POGZ: variants seen among roughly 807,000 people sequenced by gnomAD.
The protein encoded by POGZ is pogo transposable element derived with ZNF domain, also known as pogo transposable element with ZNF domain.
A neutral mutation model predicts 134.6 loss-of-function variants in POGZ; 17 were observed. The observed-to-expected ratio is 0.13, with a 90% confidence interval of 0.09 to 0.19. POGZ has a LOEUF of 0.19. POGZ is among the 10% of genes least tolerant of loss of function. The probability of loss-of-function intolerance (pLI) is 1.00; values close to 1 mark genes in which losing one functional copy is unlikely to be tolerated. For missense variants in POGZ, 1,306 were observed against 1,769.7 expected (o/e 0.74, Z 4.70); for synonymous variants, 693 against 657.1 (o/e 1.05, Z -0.84).
chr1:151,458,890 C>G (rs1430405319), intron 1 of POGZ, among the ~76,000 whole-genome samples: 5 of 143,362 alleles, frequency 3.5e-5, no homozygotes, highest in Non-Finnish European at 7.6e-5. Flanking sequence ...GCCGCCGGCC[C>G]TTCGCGCGGC....
rs1198331404 is a variant in POGZ, at chr1:151,442,103, A to G, written c.102T>C (p.Asn34=). The change falls in exon 2 of 19, where the codon AAT becomes AAC. Residue 34 remains asparagine, a synonymous_variant. Transcript: ENST00000271715. ...VIEDSVVEDY[N]SVDKTTTVSV... is the part of the protein sequence containing the mutation. Reference sequence around the variant, plus strand: ...TACCTGTGGTAGTTTTATCCACTGAATTATAATCTTCAACTACAGAGTCCT... The same window carrying G: ...TACCTGTGGTAGTTTTATCCACTGAGTTATAATCTTCAACTACAGAGTCCT... 4.4e-6 allele frequency: 7 copies of G among 1,603,738 alleles called. No homozygotes were observed. Among genetic ancestry groups the G allele is most frequent in the Non-Finnish European group, 6.0e-6 (7 of 1,170,736 alleles).
At chr1:151,419,862 G>A (rs1433093494) in intron 10 of POGZ, among the ~76,000 whole-genome samples, 1 of 151,746 alleles carries the variant, frequency 6.6e-6, no homozygotes, top group African/African-American at 2.4e-5. Context: ...GATCAATGAG[G>A]GTCTACATTG....
chr1:151,417,439 C>A (rs1337468632), intron 10 of POGZ, among the ~76,000 whole-genome samples: 1 of 151,594 alleles, frequency 6.6e-6, no homozygotes, highest in Non-Finnish European at 1.5e-5. Context: ...CAGCTTACTG[C>A]AACCTCCGCC....
intron 1 of POGZ, among the ~76,000 whole-genome samples, chr1:151,444,057 A>G (rs1418174024): frequency 6.6e-6 from 1 of 152,242 alleles, no homozygotes; most frequent in Non-Finnish European, 1.5e-5. Flanking sequence ...TCGCTTGAAA[A>G]TTGAAAACAA....
intron 10 of POGZ, among the ~76,000 whole-genome samples, chr1:151,422,866 A>C (rs1657166568): frequency 6.6e-6 from 1 of 151,610 alleles, no homozygotes; most frequent in African/African-American, 2.4e-5. Flanking sequence ...TGTTGGGATT[A>C]CAGGCGTGAG....
intron 12 of POGZ, among the ~76,000 whole-genome samples, chr1:151,409,959 C>T (rs1307958220): frequency 6.6e-6 from 1 of 152,104 alleles, no homozygotes; most frequent in Non-Finnish European, 1.5e-5. Flanking sequence ...TTTCCATGCC[C>T]CTATTTGGAA....
chr1:151,442,221 T>C lies in POGZ; in HGVS notation c.-1-16A>G. ...GTCCGCCATGCTATAAGAAAAACATTCAAATAAGATATGGGCCTAAGAATA... is the reference window on the plus strand; with the variant it reads ...GTCCGCCATGCTATAAGAAAAACATCCAAATAAGATATGGGCCTAAGAATA... On this transcript the variant is annotated splice_polypyrimidine_tract_variant and intron_variant, in intron 1 of 18. Transcript: ENST00000271715. The C allele has an allele frequency of 8.1e-6, 13 of 1,608,300 alleles. No individual in the cohort carries two copies. The highest frequency in any genetic ancestry group is 1.1e-5 in the Non-Finnish European group (13 of 1,177,670).
intron 2 of POGZ, among the ~76,000 whole-genome samples, chr1:151,441,611 AAGCT>A: frequency 6.6e-6 from 1 of 152,220 alleles, no homozygotes. Context: ...TATGAAAGAA[AAGCT>A]AACAAGCCTA....
At chr1:151,420,262 G>T (rs965624292) in intron 10 of POGZ, among the ~76,000 whole-genome samples, 3 of 152,170 alleles carry the variant, frequency 2.0e-5, no homozygotes, top group Non-Finnish European at 4.4e-5. Flanking sequence ...GTGAAGAATC[G>T]TGAGTCCTAT....
In POGZ at chr1:151,452,734, G is replaced by A. The variant is rs114873697; in HGVS notation, c.-2+6418C>T. On this transcript the variant is annotated intron_variant, in intron 1 of 18. Coordinates refer to ENST00000271715, the MANE Select transcript of POGZ (RefSeq NM_015100.4). ...CAAAAATTAGCCATGCGTGGTGGCT[G>A]GTGCCTGCAGTCCCAGCTACTCGGA... is the stretch of plus-strand genomic sequence containing the variant. Among the ~76,000 whole-genome samples the A allele has an allele frequency of 8.3e-3, 1,253 of 151,842 alleles. 11 individuals carry two copies. The highest frequency in any genetic ancestry group is 0.012 in the Non-Finnish European group (845 of 67,998).
At chr1:151,434,729 C>G (rs536415329) in intron 3 of POGZ, among the ~76,000 whole-genome samples, 1 of 151,878 alleles carries the variant, frequency 6.6e-6, no homozygotes, top group East Asian at 2.0e-4. Flanking sequence ...ACTACAGGCA[C>G]ATGCCACCAT....
Position 151,442,120 on chromosome 1 carries a change from C to T in POGZ, c.85G>A (p.Val29Ile). The change falls in exon 2 of 19, where the codon GTA (valine) becomes ATA (isoleucine). Residue 29 changes from valine to isoleucine, a missense_variant. This residue lies in a region of POGZ where 541 missense variants were observed against 680.5 expected (regional missense o/e 0.80). Coordinates refer to ENST00000271715, the MANE Select transcript of POGZ (RefSeq NM_015100.4). Reference sequence around the variant, plus strand: ...TCCACTGAATTATAATCTTCAACTACAGAGTCCTCAATGACATCACTGATT... The same window carrying T: ...TCCACTGAATTATAATCTTCAACTATAGAGTCCTCAATGACATCACTGATT... Reference protein sequence around the residue: ...QKISDVIEDSVVEDYNSVDKT... With the variant: ...QKISDVIEDSIVEDYNSVDKT... The T allele has an allele frequency of 6.2e-7, 1 of 1,606,896 alleles. No individual in the cohort carries two copies. The highest frequency in any genetic ancestry group is 8.5e-7 in the Non-Finnish European group (1 of 1,173,466).
intron 3 of POGZ, among the ~76,000 whole-genome samples, chr1:151,440,497 A>C (rs753123493): frequency 2.0e-5 from 3 of 152,164 alleles, no homozygotes; most frequent in Non-Finnish European, 4.4e-5. Context: ...GTAGACAACA[A>C]CCCTATCCTA....
At chr1:151,414,441 T>C (rs916753617) in intron 10 of POGZ, among the ~76,000 whole-genome samples, 1 of 152,220 alleles carries the variant, frequency 6.6e-6, no homozygotes, top group African/African-American at 2.4e-5. Flanking sequence ...ACATCAATAA[T>C]AAAAACACTT....
intron 1 of POGZ, among the ~76,000 whole-genome samples, chr1:151,451,984 C>A (rs1662146259): frequency 6.7e-6 from 1 of 150,192 alleles, no homozygotes; most frequent in Non-Finnish European, 1.5e-5. Flanking sequence ...GTAATCCCAG[C>A]TACTCAGGAG....
At chr1:151,416,809 A>T (rs1039304082) in intron 10 of POGZ, among the ~76,000 whole-genome samples, 15 of 151,796 alleles carry the variant, frequency 9.9e-5, no homozygotes, top group African/African-American at 3.6e-4. Context: ...AAATACAAAA[A>T]CAGAGAGAGA....
chr1:151,403,861 C>G lies in POGZ; in HGVS notation c.*941G>C, dbSNP rs1470333189. The G allele has an allele frequency of 2.0e-6, 2 of 985,318 alleles. No homozygotes were observed. Among genetic ancestry groups the G allele is most frequent in the Non-Finnish European group, 2.4e-6 (2 of 829,950 alleles). 61.0% of individuals were successfully genotyped at this position (985,318 alleles called of 1,614,324 possible). A position where few individuals can be genotyped will look rare whatever the true frequency, so the allele number is the denominator to read the frequency against. On this transcript the variant is annotated 3_prime_UTR_variant, in exon 19 of 19. Transcript: ENST00000271715. ...TGAAGTTCAGTAAAGCAGGGACTGC[C>G]CCTGGGGGCTTACAGGATGAAGACT...
chr1:151,412,997 T>C (rs895364147), intron 10 of POGZ, among the ~76,000 whole-genome samples: 1 of 152,112 alleles, frequency 6.6e-6, no homozygotes, highest in Non-Finnish European at 1.5e-5. Context: ...CAATTTTTGG[T>C]AATTTCATGT....
At chr1:151,457,594 C>T (rs989950299) in intron 1 of POGZ, among the ~76,000 whole-genome samples, 1 of 152,158 alleles carries the variant, frequency 6.6e-6, no homozygotes, top group Non-Finnish European at 1.5e-5. Flanking sequence ...CTCCCTGCCC[C>T]CTCCGTTTCC....
Sources: gnomAD v4.1 joint callset for allele counts (sites outside exome capture counted in the v4.1 genomes callset) on GRCh38, gnomAD v4.1.1 for gene constraint, gnomAD v4.1.1 regional missense constraint, MANE v1.5 for transcripts, NCBI Gene and HGNC (gene_info 2026-07-23, HGNC 2026-07-21) for gene names.